TMEM230: variants seen among roughly 807,000 people sequenced by gnomAD.
TMEM230 encodes the protein UPF0414 transmembrane protein C20orf30.
A neutral mutation model predicts 15.8 loss-of-function variants in TMEM230; 10 were observed. The observed-to-expected ratio is 0.63, with a 90% CI of 0.39 to 1.07. The LOEUF is 1.07. Ranked by LOEUF, TMEM230 falls within the 50% of genes least tolerant of loss-of-function variation. TMEM230 has a pLI of 0.01. For missense variants in TMEM230, 165 were observed against 193.3 expected, an observed-to-expected ratio of 0.85 and a Z score of 0.87; for synonymous variants, 67 against 76.9, an observed-to-expected ratio of 0.87 and a Z score of 0.68.
At chr20:5,062,766 T>TAATA in the TMEM230 span, among the ~76,000 whole-genome samples, 32 of 151,980 alleles carry the variant, frequency 2.1e-4, no homozygotes, top group Admixed American at 1.2e-3. Context: ...CTGTCATAAA[T>TAATA]AATAAATAAA....
chr20:5,095,194 T>C (rs1272472114), downstream of TMEM230, among the ~76,000 whole-genome samples: 1 of 152,124 alleles, frequency 6.6e-6, no homozygotes. Flanking sequence ...GCTCTTCTTG[T>C]GTTAGTGAGA....
At chr20:5,106,498 G>A (rs1438792740) in intron 3 of TMEM230, among the ~76,000 whole-genome samples, 188 bp from the exon 3 acceptor site, 1 of 152,052 alleles carries the variant, frequency 6.6e-6, no homozygotes. Flanking sequence ...CTGCCTCCTG[G>A]ATTCAAGTGA....
At chr20:5,106,709 AT>A (rs961362341) in intron 3 of TMEM230, among the ~76,000 whole-genome samples, 4 of 151,836 alleles carry the variant, frequency 2.6e-5, no homozygotes, top group African/African-American at 9.7e-5. Flanking sequence ...GCCCGGCCTA[AT>A]TTTTATGATT....
chr20:5,065,845 T>C (rs1172296747), downstream of TMEM230, among the ~76,000 whole-genome samples: 1 of 152,080 alleles, frequency 6.6e-6, no homozygotes, highest in African/African-American at 2.4e-5. Flanking sequence ...ACACCAAAAC[T>C]GTAGGTCAGA....
At chr20:5,107,578 T>C (rs11908068) in intron 3 of TMEM230, among the ~76,000 whole-genome samples, 3,374 of 152,310 alleles carry the variant, frequency 0.022, 130 homozygotes, top group African/African-American at 0.077. Flanking sequence ...ATTTGTTAGA[T>C]ATATATTTAT....
chr20:5,109,559 A>G, intron 2 of TMEM230, 114 bp from the exon 2 acceptor site: 1 of 809,410 alleles, frequency 1.2e-6, no homozygotes, highest in Non-Finnish European at 2.0e-6. Context: ...CTGCCATGTC[A>G]GACTAGCAAT....
chr20:5,061,635 CAT>C, the TMEM230 span, among the ~76,000 whole-genome samples: 1 of 152,124 alleles, frequency 6.6e-6, no homozygotes, highest in Admixed American at 6.6e-5. Context: ...TGTATGAGAA[CAT>C]AGGTCATAGG....
downstream of TMEM230, among the ~76,000 whole-genome samples, chr20:5,099,083 T>C (rs1309846527): frequency 6.6e-6 from 1 of 151,882 alleles, no homozygotes; most frequent in East Asian, 1.9e-4. Flanking sequence ...CCCAACACTT[T>C]GGGAGGCAAA....
At chr20:5,107,644 T>C (rs141189308) in intron 3 of TMEM230, among the ~76,000 whole-genome samples, 1 of 152,176 alleles carries the variant, frequency 6.6e-6, no homozygotes, top group African/African-American at 2.4e-5. Flanking sequence ...AGAGATCCTG[T>C]CTCTACAAAA....
At chr20:5,104,411 T>G (rs1453996358) in intron 4 of TMEM230, among the ~76,000 whole-genome samples, 2 of 152,092 alleles carry the variant, frequency 1.3e-5, no homozygotes, top group African/African-American at 4.8e-5. Context: ...AGCGAGGACG[T>G]GGAGAAAAGG....
At position 5,100,303 on chromosome 20, in the gene TMEM230, G is replaced by C. The variant is rs1411574932; in HGVS notation, c.*488C>G. On this transcript the variant is annotated 3_prime_UTR_variant, in exon 5 of 5. Transcript: ENST00000342308. ...GAAAGCAAGTAAAAAAAATATTACAGATGAACTCACTGATCTTTGATTTTA... is the reference window on the plus strand; with the variant it reads ...GAAAGCAAGTAAAAAAAATATTACACATGAACTCACTGATCTTTGATTTTA... 3.0e-6 allele frequency: 3 copies of C among 985,408 alleles called. No homozygotes were observed. Among genetic ancestry groups the C allele is most frequent in the Non-Finnish European group, 3.6e-6 (3 of 830,024 alleles). 61.0% of individuals were successfully genotyped at this position (985,408 alleles called of 1,614,324 possible).
intron 2 of TMEM230, among the ~76,000 whole-genome samples, chr20:5,110,018 T>C (rs73602858): frequency 4.5e-4 from 69 of 152,276 alleles, no homozygotes; most frequent in African/African-American, 1.6e-3. Context: ...ATCTGTAAAG[T>C]TTCTTGCCGT....
chr20:5,099,226 ATAAATAAAT>A (rs1298122375), downstream of TMEM230, among the ~76,000 whole-genome samples: 47 of 83,804 alleles, frequency 5.6e-4, no homozygotes, highest in East Asian at 4.4e-3. Flanking sequence ...AAATAAATAA[ATAAATAAAT>A]CAATCAATCA....
At chr20:5,075,291 C>G (rs1033482636) in intron 3 of TMEM230, among the ~76,000 whole-genome samples, 2 of 151,428 alleles carry the variant, frequency 1.3e-5, no homozygotes, top group Non-Finnish European at 2.9e-5. Flanking sequence ...TCTCGAACTC[C>G]TGACCTTAGG....
intron 3 of TMEM230, among the ~76,000 whole-genome samples, chr20:5,094,178 C>T (rs888459723): frequency 1.3e-5 from 2 of 148,824 alleles, no homozygotes; most frequent in South Asian, 2.2e-4. Flanking sequence ...AGGCTGGTCT[C>T]GAACTTTTGA....
intron 3 of TMEM230, among the ~76,000 whole-genome samples, chr20:5,107,426 C>G (rs931392074): frequency 3.9e-5 from 6 of 152,048 alleles, no homozygotes; most frequent in African/African-American, 1.4e-4. Flanking sequence ...AGATGAAGCT[C>G]TAGTTATTGC....
intron 4 of TMEM230, among the ~76,000 whole-genome samples, chr20:5,103,282 T>C (rs1568501316): frequency 6.6e-6 from 1 of 151,748 alleles, no homozygotes; most frequent in Non-Finnish European, 1.5e-5. Flanking sequence ...GGCAACATAA[T>C]GAGATCTCAT....
At chr20:5,067,636 G>T (rs374387487), downstream of TMEM230, among the ~76,000 whole-genome samples, 1,039 of 150,166 alleles carry the variant, frequency 6.9e-3, 14 homozygotes, top group African/African-American at 0.022. Flanking sequence ...TAGAGGCAGG[G>T]TTTCACTATG....
At chr20:5,081,530 C>A (rs925562448) in intron 3 of TMEM230, among the ~76,000 whole-genome samples, 32 of 152,184 alleles carry the variant, frequency 2.1e-4, no homozygotes, top group African/African-American at 7.7e-4. Flanking sequence ...AACACTCCCA[C>A]GAAGTAGGCA....
Sources: gnomAD v4.1 joint callset for allele counts (sites outside exome capture counted in the v4.1 genomes callset) on GRCh38, gnomAD v4.1.1 for gene constraint, MANE v1.5 for transcripts, NCBI Gene and HGNC (gene_info 2026-07-23, HGNC 2026-07-21) for gene names.